The following NRG3 variants were observed in gnomAD, a reference collection of about 807,000 sequenced individuals.
NRG3 encodes the protein pro-neuregulin-3, membrane-bound isoform.
In NRG3, 31 loss-of-function variants were observed where a neutral mutation model predicts 66.9. That is an observed-to-expected ratio of 0.46 (90% CI 0.35 to 0.63). NRG3 has a LOEUF of 0.63. NRG3 is among the 20% of genes least tolerant of loss of function. The pLI is 0.00. For synonymous variants in NRG3, 393 were observed against 359.4 expected, an observed-to-expected ratio of 1.09 and a Z score of -1.06; for missense variants, 910 against 878.9, an observed-to-expected ratio of 1.04 and a Z score of -0.45.
chr10:82,400,742 T>A (rs146228537), intron 2 of NRG3, among the ~76,000 whole-genome samples: 292 of 151,918 alleles, frequency 1.9e-3, no homozygotes, highest in Middle Eastern at 6.8e-3. Flanking sequence ...TAATTTTTTT[T>A]AATTTTATTT....
At position 82,508,759 on chromosome 10, in the gene NRG3, A is replaced by G. The variant is rs186686554; in HGVS notation, c.953+149891A>G. Among the ~76,000 whole-genome samples, 617 of 152,304 alleles carry G rather than the reference A, an allele frequency of 4.1e-3. 7 individuals carry two copies. The highest frequency in any genetic ancestry group is 0.014 in the African/African-American group (602 of 41,576). ...CAAGTGGGATGCTGGAACGATAAGCATAAACTGGAACTCTTCCAGGCAAAT... is the reference window on the plus strand; with the variant it reads ...CAAGTGGGATGCTGGAACGATAAGCGTAAACTGGAACTCTTCCAGGCAAAT... On this transcript the variant is annotated intron_variant, in intron 2 of 8. Transcript: ENST00000372141.
At chr10:82,219,444 C>T (rs902374520) in intron 1 of NRG3, among the ~76,000 whole-genome samples, 3 of 151,744 alleles carry the variant, frequency 2.0e-5, no homozygotes, top group African/African-American at 7.3e-5. Context: ...ATTTTAAGAT[C>T]CACTTGCAAG....
chr10:82,565,888 G>T (rs536953376), intron 2 of NRG3, among the ~76,000 whole-genome samples: 64 of 152,170 alleles, frequency 4.2e-4, no homozygotes, highest in African/African-American at 1.5e-3. Context: ...AAACACGCAG[G>T]CTTCTAATGA....
At chr10:82,104,796 C>T (rs2066961639) in intron 1 of NRG3, among the ~76,000 whole-genome samples, 1 of 152,176 alleles carries the variant, frequency 6.6e-6, no homozygotes, top group African/African-American at 2.4e-5. Flanking sequence ...TGCATATACA[C>T]ATGTAAATTT....
At chr10:82,159,213 G>A (rs1352492519) in intron 1 of NRG3, among the ~76,000 whole-genome samples, 1 of 151,842 alleles carries the variant, frequency 6.6e-6, no homozygotes, top group African/African-American at 2.4e-5. Flanking sequence ...TGATGTATAT[G>A]CAAGTAACTA....
intron 2 of NRG3, among the ~76,000 whole-genome samples, chr10:82,384,210 T>G (rs1464908343): frequency 2.0e-5 from 3 of 152,138 alleles, no homozygotes; most frequent in African/African-American, 7.2e-5. Context: ...TTAAGTTGTT[T>G]GGGTTTTTCT....
intron 1 of NRG3, among the ~76,000 whole-genome samples, chr10:82,159,255 C>A (rs2071402153): frequency 6.6e-6 from 1 of 151,904 alleles, no homozygotes; most frequent in South Asian, 2.1e-4. Flanking sequence ...CTATTGCACT[C>A]AGGAAATTAG....
At chr10:81,883,823 A>G (rs1347890536) in intron 1 of NRG3, among the ~76,000 whole-genome samples, 1 of 151,818 alleles carries the variant, frequency 6.6e-6, no homozygotes, top group Non-Finnish European at 1.5e-5. Flanking sequence ...GATTTTCTTC[A>G]TTTTTGTAGC....
intron 1 of NRG3, among the ~76,000 whole-genome samples, chr10:82,083,663 C>T (rs534383300): frequency 1.3e-5 from 2 of 149,592 alleles, no homozygotes; most frequent in Admixed American, 6.7e-5. Flanking sequence ...GGTGCGATCT[C>T]GGCCCACCAC....
At chr10:82,920,743 A>G (rs1576987) in intron 4 of NRG3, among the ~76,000 whole-genome samples, 56,459 of 151,976 alleles carry the variant, frequency 0.37, 10,873 homozygotes, top group East Asian at 0.63. Flanking sequence ...TGATATGGGC[A>G]TGTCATAATA....
In NRG3 at chr10:82,207,729, A is replaced by G. The variant is rs759974597; in HGVS notation, c.824-151010A>G. The stretch of plus-strand genomic sequence containing the variant: ...GGAAGCGGGCATAGACCTTCTTCAT[A>G]TGGTGGCAGGAAAGAGAAGAGTGAA... On this transcript the variant is annotated intron_variant, in intron 1 of 8. Transcript: ENST00000372141. 4.6e-5 allele frequency among the ~76,000 whole-genome samples: 7 copies of G among 152,156 alleles called. No homozygotes were observed. In the South Asian group the frequency reaches 1.2e-3, roughly 27 times the overall value.
intron 1 of NRG3, among the ~76,000 whole-genome samples, chr10:82,159,669 T>C (rs1263687891): frequency 1.3e-5 from 2 of 151,926 alleles, no homozygotes; most frequent in African/African-American, 2.4e-5. Context: ...GTTAGTTTTT[T>C]AGTCCCATAG....
chr10:82,896,750 T>A (rs1364563584), intron 4 of NRG3, among the ~76,000 whole-genome samples: 1 of 152,242 alleles, frequency 6.6e-6, no homozygotes, highest in Non-Finnish European at 1.5e-5. Context: ...GTATGAAAGG[T>A]TGTTTCTTCC....
At position 82,740,823 on chromosome 10, in the gene NRG3, C is replaced by CAA. The variant is rs56944502; in HGVS notation, c.1027+2198_1027+2199dup. Among the ~76,000 whole-genome samples the CAA allele has an allele frequency of 5.9e-5, 7 of 118,324 alleles. No homozygotes were observed. In the South Asian group the frequency reaches 8.6e-4, roughly 15 times the overall value. 77.6% of individuals were successfully genotyped at this position (118,324 alleles called of 152,430 possible). Reference sequence around the variant, plus strand: ...TGGGTGACAGAGCAAGACTCTGTCTCAAAAAAAAAAAAAAAAAAAAAAAAA... The same window carrying CAA: ...TGGGTGACAGAGCAAGACTCTGTCTCAAAAAAAAAAAAAAAAAAAAAAAAAAA... On this transcript the variant is annotated intron_variant, in intron 3 of 8. Coordinates refer to ENST00000372141, the MANE Select transcript of NRG3 (RefSeq NM_001010848.4).
intron 1 of NRG3, among the ~76,000 whole-genome samples, chr10:82,024,735 C>T (rs371240985): frequency 1.3e-5 from 2 of 151,996 alleles, no homozygotes; most frequent in Admixed American, 6.6e-5. Flanking sequence ...TGAAAAAATG[C>T]GGAAAAGATT....
In NRG3 at chr10:82,569,444, T is replaced by C. The variant is rs147700820; in HGVS notation, c.954-169133T>C. On this transcript the variant is annotated intron_variant, in intron 2 of 8. Coordinates refer to ENST00000372141, the MANE Select transcript of NRG3 (RefSeq NM_001010848.4). The stretch of plus-strand genomic sequence containing the variant: ...TTCCCCTTCTGTCTTACAATATTGT[T>C]GGGAGAACCAGGTCAGATATGAGAT... 3.6e-3 allele frequency among the ~76,000 whole-genome samples: 553 copies of C among 151,818 alleles called. 2 individuals are homozygous for C. Among genetic ancestry groups the C allele is most frequent in the African/African-American group, 0.013 (527 of 41,506 alleles).
At chr10:82,665,629 C>A (rs1323057441) in intron 2 of NRG3, among the ~76,000 whole-genome samples, 1 of 152,116 alleles carries the variant, frequency 6.6e-6, no homozygotes, top group Non-Finnish European at 1.5e-5. Context: ...TTTTTTAATA[C>A]CATACCAGCA....
chr10:82,098,425 A>C (rs1292298880), intron 1 of NRG3, among the ~76,000 whole-genome samples: 1 of 152,112 alleles, frequency 6.6e-6, no homozygotes, highest in Non-Finnish European at 1.5e-5. Context: ...CTCTTGGCAA[A>C]AACAGCCAGA....
intron 1 of NRG3, among the ~76,000 whole-genome samples, chr10:82,320,986 A>C (rs1310276324): frequency 6.6e-6 from 1 of 152,162 alleles, no homozygotes; most frequent in Non-Finnish European, 1.5e-5. Flanking sequence ...AATCCCCCGC[A>C]TTTACCATCC....
Sources: gnomAD v4.1 joint callset for allele counts (sites outside exome capture counted in the v4.1 genomes callset) on GRCh38, gnomAD v4.1.1 for gene constraint, MANE v1.5 for transcripts, NCBI Gene and HGNC (gene_info 2026-07-23, HGNC 2026-07-21) for gene names.